DST: variants seen among roughly 807,000 people sequenced by gnomAD.
The protein encoded by DST is bullous pemphigoid antigen.
A neutral mutation model predicts 875.2 loss-of-function variants in DST; 253 were observed. That is an observed-to-expected ratio of 0.29 (90% CI 0.26 to 0.32). The LOEUF is 0.32. DST is among the 10% of genes least tolerant of loss of function. The pLI is 1.00. For synonymous variants in DST, 3,124 were observed against 3,197.1 expected (o/e 0.98, Z 0.77); for missense variants, 8,287 against 9,111.6 (o/e 0.91, Z 3.68).
chr6:56,811,456 T>G (rs2099759860), intron 4 of DST, among the ~76,000 whole-genome samples: 1 of 152,186 alleles, frequency 6.6e-6, no homozygotes, highest in African/African-American at 2.4e-5. Context: ...ATATTATGCC[T>G]TGGTTTCCTA....
Position 56,466,091 on chromosome 6 carries a change from A to G in DST, c.22674T>C (p.Asn7558=), listed in dbSNP as rs2094566527. 1 of 1,612,008 alleles carries G rather than the reference A, an allele frequency of 6.2e-7. No homozygotes were observed. The highest frequency in any genetic ancestry group is 1.1e-5 in the South Asian group (1 of 90,596). Residue 7558 remains asparagine, a synonymous_variant, in exon 99 of 104, where the codon AAT becomes AAC. Coordinates refer to ENST00000680361, the MANE Select transcript of DST (RefSeq NM_001374736.1). ...WMALDEFLVK[N]DPCRVHHHGS... ...GCATCTCCTTACCCCTGCAAGGATC[A>G]TTTTTCACTAAGAACTCATCAAGTG...
chr6:56,841,652 T>A (rs556308535), intron 4 of DST, among the ~76,000 whole-genome samples: 19 of 152,360 alleles, frequency 1.2e-4, no homozygotes, highest in African/African-American at 4.6e-4. Context: ...GTATAAAATG[T>A]ATCTACTTTA....
intron 62 of DST, among the ~76,000 whole-genome samples, chr6:56,536,061 A>C (rs1486033859): frequency 1.3e-5 from 2 of 152,376 alleles, no homozygotes; most frequent in East Asian, 3.9e-4. Flanking sequence ...AATCGAAAGA[A>C]AACAACAAGA....
chr6:56,903,464 A>T (rs183728879), intron 2 of DST, among the ~76,000 whole-genome samples: 1 of 152,196 alleles, frequency 6.6e-6, no homozygotes, highest in African/African-American at 2.4e-5. Flanking sequence ...TTTATGATAT[A>T]AAAAAATTTT....
rs188223578 is a variant in DST, at chr6:56,946,480, T to C, written c.216+7305A>G. Among the ~76,000 whole-genome samples the C allele has an allele frequency of 5.9e-5, 9 of 152,162 alleles. No homozygotes were observed. The East Asian group carries it at 1.7e-3, about 29-fold the overall frequency. On this transcript the variant is annotated intron_variant, in intron 2 of 103. Transcript: ENST00000680361. ...TTTGTGCTGTTGCTGTTATTTCCAA[T>C]AGGAAGCACATATGATGTTTATAGG...
intron 80 of DST, among the ~76,000 whole-genome samples, chr6:56,500,028 C>A (rs758645484): frequency 1.3e-5 from 2 of 151,842 alleles, no homozygotes; most frequent in South Asian, 4.2e-4. Context: ...TGTAGATAGA[C>A]AAGGTAATAG....
At chr6:56,591,692 G>T (rs770966682) in intron 49 of DST, among the ~76,000 whole-genome samples, 1 of 152,192 alleles carries the variant, frequency 6.6e-6, no homozygotes, top group Non-Finnish European at 1.5e-5. Context: ...CATCAGGAAG[G>T]CTGGGCGCGG....
intron 2 of DST, among the ~76,000 whole-genome samples, chr6:56,951,814 T>G (rs1483942023): frequency 6.6e-6 from 1 of 152,186 alleles, no homozygotes; most frequent in Non-Finnish European, 1.5e-5. Context: ...TAGCACAAAC[T>G]CCAGGGCAAT....
chr6:56,625,737 T>TA lies in DST; in HGVS notation c.4723-474dup, dbSNP rs557564533. Among the ~76,000 whole-genome samples the TA allele has an allele frequency of 2.4e-3, 334 of 140,256 alleles. 2 individuals are homozygous for TA. Among genetic ancestry groups the TA allele is most frequent in the Middle Eastern group, 7.1e-3 (2 of 280 alleles). 92.0% of individuals were successfully genotyped at this position (140,256 alleles called of 152,430 possible). Reference sequence around the variant, plus strand: ...GTTTTAGAGTGTACTCCTACTTATTTAAAAAAAAAAAAAAAGTTAACTGTA... The same window carrying TA: ...GTTTTAGAGTGTACTCCTACTTATTTAAAAAAAAAAAAAAAAGTTAACTGTA... On this transcript the variant is annotated intron_variant, in intron 34 of 103. Transcript: ENST00000680361.
chr6:56,897,320 TTTTATTTA>T (rs59774915), intron 3 of DST, among the ~76,000 whole-genome samples: 1 of 148,106 alleles, frequency 6.8e-6, no homozygotes. Context: ...GGGGGGTTGT[TTTTATTTA>T]TTTATTTATT....
At chr6:56,554,286 G>A (rs889423084) in intron 60 of DST, among the ~76,000 whole-genome samples, 6 of 151,648 alleles carry the variant, frequency 4.0e-5, no homozygotes, top group East Asian at 1.9e-4. Flanking sequence ...GGGTTTCACC[G>A]TGTTAGCCAG....
intron 4 of DST, among the ~76,000 whole-genome samples, chr6:56,782,943 C>A (rs2099697128): frequency 6.6e-6 from 1 of 152,172 alleles, no homozygotes; most frequent in Non-Finnish European, 1.5e-5. Flanking sequence ...TCGTTGGTTT[C>A]AAAGAACATC....
intron 4 of DST, among the ~76,000 whole-genome samples, chr6:56,740,639 A>G (rs2099543570): frequency 1.3e-5 from 2 of 152,224 alleles, no homozygotes; most frequent in Non-Finnish European, 2.9e-5. Context: ...TCATTTTTCA[A>G]ATGGAAGTGC....
chr6:56,844,829 G>C (rs1373186887), intron 4 of DST, among the ~76,000 whole-genome samples: 2 of 148,284 alleles, frequency 1.3e-5, no homozygotes, highest in Non-Finnish European at 3.0e-5. Flanking sequence ...CCGAGATCAC[G>C]CCACCGTATT....
intron 4 of DST, among the ~76,000 whole-genome samples, chr6:56,810,253 T>C (rs893246822): frequency 2.0e-5 from 3 of 152,126 alleles, no homozygotes; most frequent in African/African-American, 7.2e-5. Flanking sequence ...AAAGCTGCAG[T>C]GAGCTATGAC....
chr6:56,674,689 A>C (rs2099119598), intron 9 of DST, among the ~76,000 whole-genome samples: 1 of 152,266 alleles, frequency 6.6e-6, no homozygotes, highest in Non-Finnish European at 1.5e-5. Context: ...GCTTAAAAAA[A>C]AGACTTAGTA....
chr6:56,682,050 T>C (rs751846763), intron 9 of DST, among the ~76,000 whole-genome samples: 9 of 152,234 alleles, frequency 5.9e-5, no homozygotes, highest in Non-Finnish European at 1.0e-4. Context: ...GTGTTTGTCC[T>C]ACAAGTTCAA....
chr6:56,888,350 A>G (rs1785658409), intron 3 of DST, among the ~76,000 whole-genome samples: 1 of 152,250 alleles, frequency 6.6e-6, no homozygotes, highest in Non-Finnish European at 1.5e-5. Context: ...GTCATTCAAA[A>G]AAATTCTTTT....
chr6:56,890,247 A>G (rs1446229985), intron 3 of DST, among the ~76,000 whole-genome samples: 4 of 152,230 alleles, frequency 2.6e-5, no homozygotes, highest in Admixed American at 2.0e-4. Flanking sequence ...TGAGAGAAAA[A>G]CAGAGAAGAG....
Sources: gnomAD v4.1 joint callset for allele counts (sites outside exome capture counted in the v4.1 genomes callset) on GRCh38, gnomAD v4.1.1 for gene constraint, MANE v1.5 for transcripts, NCBI Gene and HGNC (gene_info 2026-07-23, HGNC 2026-07-21) for gene names.